PPP6R2: variants seen among roughly 807,000 people sequenced by gnomAD.
PPP6R2 encodes the protein serine/threonine-protein phosphatase 6 regulatory subunit 2.
PPP6R2 carries 62 observed loss-of-function variants against 100.2 expected under a neutral mutation model. That is an observed-to-expected ratio of 0.62 (90% CI 0.50 to 0.76). The LOEUF (loss-of-function observed/expected upper bound fraction) is 0.76, where lower values mean the gene tolerates loss of function less well. Among genes scored for constraint, PPP6R2 ranks in the 30% least tolerant of loss-of-function variants. PPP6R2 has a pLI of 0.00. For synonymous variants in PPP6R2, 525 were observed against 514.7 expected (o/e 1.02, Z -0.27); for missense variants, 1,142 against 1,276.3 (o/e 0.89, Z 1.60).
chr22:50,424,449 AACGTCTGTCAGCG>A (rs2061768770), intron 10 of PPP6R2, among the ~76,000 whole-genome samples: 1 of 97,606 alleles, frequency 1.0e-5, no homozygotes, highest in African/African-American at 4.0e-5. Context: ...CCGCGTGTGG[AACGTCTGTCAGCG>A]TGTGGAAGGT....
chr22:50,367,164 C>T (rs1027667332), intron 1 of PPP6R2, among the ~76,000 whole-genome samples: 2 of 151,774 alleles, frequency 1.3e-5, no homozygotes, highest in African/African-American at 4.8e-5. Flanking sequence ...GCGGAGGATG[C>T]CTGGACAGGG....
At chr22:50,392,191 T>C (rs924726217) in intron 2 of PPP6R2, among the ~76,000 whole-genome samples, 3 of 152,064 alleles carry the variant, frequency 2.0e-5, no homozygotes, top group Non-Finnish European at 4.4e-5. Context: ...AAGGAAGATC[T>C]TAAGACCTAG....
At chr22:50,442,017 G>A (rs959187463) in intron 22 of PPP6R2, among the ~76,000 whole-genome samples, 2 of 152,154 alleles carry the variant, frequency 1.3e-5, no homozygotes, top group Admixed American at 6.5e-5. Context: ...TCCTCGGGCT[G>A]GATTCCTCTA....
chr22:50,355,967 C>CTT (rs138721205), intron 1 of PPP6R2, among the ~76,000 whole-genome samples: 62 of 143,732 alleles, frequency 4.3e-4, no homozygotes, highest in East Asian at 1.4e-3. Flanking sequence ...GTATTTCCCT[C>CTT]TTTTTTTTTT....
intron 2 of PPP6R2, among the ~76,000 whole-genome samples, chr22:50,375,832 ATTTTTTTTTTT>A (rs557118142): frequency 1.2e-4 from 8 of 64,562 alleles, no homozygotes; most frequent in South Asian, 9.1e-4. Context: ...ATCCCTGCAG[ATTTTTTTTTTT>A]TTTTTTTTTT....
intron 2 of PPP6R2, among the ~76,000 whole-genome samples, chr22:50,376,078 C>T (rs1437310059): frequency 2.0e-5 from 3 of 151,732 alleles, no homozygotes; most frequent in African/African-American, 7.3e-5. Flanking sequence ...GGTGATCCGC[C>T]TGCAGATATT....
intron 4 of PPP6R2, among the ~76,000 whole-genome samples, chr22:50,408,145 C>T (rs1022453792): frequency 3.9e-5 from 6 of 152,182 alleles, no homozygotes; most frequent in African/African-American, 1.4e-4. Flanking sequence ...CCCAGGCCTC[C>T]CAAAGTCCTG....
At chr22:50,415,125 G>A (rs377360713) in intron 5 of PPP6R2, among the ~76,000 whole-genome samples, 7 of 152,320 alleles carry the variant, frequency 4.6e-5, no homozygotes, top group South Asian at 2.1e-4. Context: ...GTGTGGATGC[G>A]TCTGTTCTGA....
chr22:50,426,294 A>G (rs2062119046), intron 10 of PPP6R2, among the ~76,000 whole-genome samples: 1 of 152,162 alleles, frequency 6.6e-6, no homozygotes. Flanking sequence ...CAAGTTTTAA[A>G]TTTTGATGAA....
intron 2 of PPP6R2, chr22:50,391,826 C>G (rs1269112448): frequency 6.6e-6 from 1 of 151,226 alleles, no homozygotes; most frequent in Non-Finnish European, 1.5e-5. Flanking sequence ...ATTCTTCTAG[C>G]AGGATCCTAT....
At chr22:50,398,558 C>G (rs2057499221) in intron 3 of PPP6R2, among the ~76,000 whole-genome samples, 1 of 149,802 alleles carries the variant, frequency 6.7e-6, no homozygotes, top group African/African-American at 2.5e-5. Context: ...TTCTGTCAAC[C>G]AGGCTGGAGT....
At chr22:50,408,340 G>A (rs773144677) in intron 4 of PPP6R2, among the ~76,000 whole-genome samples, 1 of 152,188 alleles carries the variant, frequency 6.6e-6, no homozygotes, top group East Asian at 1.9e-4. Context: ...CTGAGAAAGC[G>A]CAGCTCCACG....
chr22:50,359,004 C>T (rs908205194), intron 1 of PPP6R2, among the ~76,000 whole-genome samples: 4 of 96,468 alleles, frequency 4.1e-5, no homozygotes, highest in Admixed American at 3.0e-4. Flanking sequence ...CCCCCCCCCC[C>T]CCAACTCTTT....
intron 2 of PPP6R2, chr22:50,393,449 G>A: frequency 1.0e-6 from 1 of 985,056 alleles, no homozygotes. Flanking sequence ...CTGACACATG[G>A]GAGAGACACC....
intron 14 of PPP6R2, among the ~76,000 whole-genome samples, chr22:50,436,654 A>G (rs555101784): frequency 6.6e-6 from 1 of 152,304 alleles, no homozygotes; most frequent in East Asian, 1.9e-4. Context: ...TGCCACACCC[A>G]GGGCTGGGTC....
chr22:50,359,274 A>C (rs2047297841), intron 1 of PPP6R2, among the ~76,000 whole-genome samples: 1 of 143,564 alleles, frequency 7.0e-6, no homozygotes, highest in Non-Finnish European at 1.5e-5. Context: ...GCTGGAGTGC[A>C]GTGGCGTGAT....
chr22:50,387,073 T>C (rs1197000297), intron 2 of PPP6R2, among the ~76,000 whole-genome samples: 2 of 152,182 alleles, frequency 1.3e-5, no homozygotes, highest in Non-Finnish European at 2.9e-5. Flanking sequence ...CATTTATTTA[T>C]TTTTTGAGAC....
At chr22:50,399,415 C>G (rs758327719) in intron 3 of PPP6R2, among the ~76,000 whole-genome samples, 5 of 152,222 alleles carry the variant, frequency 3.3e-5, no homozygotes, top group Admixed American at 6.5e-5. Context: ...TTCATTTATA[C>G]AGAGCAGCAC....
In PPP6R2 at chr22:50,401,299, C is replaced by T. The variant is rs183478914; in HGVS notation, c.228-5390C>T. Among the ~76,000 whole-genome samples, 509 of 150,048 alleles carry T rather than the reference C, an allele frequency of 3.4e-3. 1 individual carries two copies. Among genetic ancestry groups the T allele is most frequent in the Non-Finnish European group, 6.1e-3 (412 of 67,368 alleles). On this transcript the variant is annotated intron_variant, in intron 3 of 23. Coordinates refer to ENST00000612753, the MANE Select transcript of PPP6R2 (RefSeq NM_001242898.2). ...CTCGGCTCACTGCAACCTTCACCTC[C>T]GGGTTCACGCCATTCTCCTGCCTCA...
Sources: gnomAD v4.1 joint callset for allele counts (sites outside exome capture counted in the v4.1 genomes callset) on GRCh38, gnomAD v4.1.1 for gene constraint, MANE v1.5 for transcripts, NCBI Gene and HGNC (gene_info 2026-07-23, HGNC 2026-07-21) for gene names.